The following ADGRV1 variants were observed in gnomAD, a reference collection of about 807,000 sequenced individuals.
ADGRV1 encodes the protein G-protein coupled receptor 98.
ADGRV1 carries 359 observed loss-of-function variants against 596.2 expected under a neutral mutation model. The observed-to-expected ratio is 0.60, with a 90% confidence interval of 0.55 to 0.66. ADGRV1 has a LOEUF of 0.66. Among genes scored for constraint, ADGRV1 ranks in the 30% least tolerant of loss-of-function variants. ADGRV1 has a pLI of 0.00. For missense variants in ADGRV1, 7,274 were observed against 7,575.6 expected (o/e 0.96, Z 1.48); for synonymous variants, 2,681 against 2,679.2 (o/e 1.00, Z -0.02).
chr5:90,877,601 T>C (rs1769337969), intron 83 of ADGRV1, among the ~76,000 whole-genome samples: 1 of 151,434 alleles, frequency 6.6e-6, no homozygotes, highest in Admixed American at 6.6e-5. Flanking sequence ...TTTTTTTTCA[T>C]TTAATGTCTC....
At chr5:90,794,332 C>T (rs1001868823) in intron 70 of ADGRV1, among the ~76,000 whole-genome samples, 1 of 152,126 alleles carries the variant, frequency 6.6e-6, no homozygotes, top group African/African-American at 2.4e-5. Flanking sequence ...TTGTTAACAC[C>T]TGGTTAACAG....
rs749364292 is a variant in ADGRV1, at chr5:90,647,718, C to T, written c.3243C>T (p.Ile1081=). 3.1e-6 allele frequency: 5 copies of T among 1,613,640 alleles called. No individual in the cohort carries two copies. The highest frequency in any genetic ancestry group is 4.2e-6 in the Non-Finnish European group (5 of 1,179,622). The change falls in exon 17 of 90, where the codon ATC becomes ATT. Residue 1081 remains isoleucine (I), a synonymous_variant. Transcript: ENST00000405460. ...SISIFVNEDG[I]PETDEPFYII... is the part of the protein sequence containing the mutation. Reference sequence around the variant, plus strand: ...CCATATTTGTTAATGAAGATGGTATCCCGGAAACAGATGAGCCCTTTTATA... The same window carrying T: ...CCATATTTGTTAATGAAGATGGTATTCCGGAAACAGATGAGCCCTTTTATA...
intron 72 of ADGRV1, among the ~76,000 whole-genome samples, chr5:90,805,985 G>T (rs1396853146): frequency 6.6e-6 from 1 of 152,118 alleles, no homozygotes; most frequent in African/African-American, 2.4e-5. Flanking sequence ...ACCCTCCAGT[G>T]GGCTCTGAAT....
At chr5:90,833,953 T>C (rs1764737408) in intron 77 of ADGRV1, among the ~76,000 whole-genome samples, 1 of 152,200 alleles carries the variant, frequency 6.6e-6, no homozygotes, top group African/African-American at 2.4e-5. Flanking sequence ...TTTAAAATGA[T>C]GTCATCTTAT....
intron 17 of ADGRV1, among the ~76,000 whole-genome samples, chr5:90,648,519 G>A (rs909121816): frequency 6.6e-5 from 10 of 151,910 alleles, no homozygotes; most frequent in African/African-American, 2.2e-4. Context: ...CGTTTGCATC[G>A]GGTCACCATG....
At chr5:91,004,905 G>A (rs1782149424) in intron 85 of ADGRV1, among the ~76,000 whole-genome samples, 1 of 152,064 alleles carries the variant, frequency 6.6e-6, no homozygotes, top group African/African-American at 2.4e-5. Flanking sequence ...TAGCCAAAAA[G>A]GAGGCCTGGA....
intron 85 of ADGRV1, among the ~76,000 whole-genome samples, chr5:91,060,794 A>G (rs1787359470): frequency 6.7e-6 from 1 of 149,938 alleles, no homozygotes; most frequent in Non-Finnish European, 1.5e-5. Context: ...TTCTTGGAGC[A>G]TTTGTAACTA....
At position 90,807,665 on chromosome 5, in the gene ADGRV1, C is replaced by T; in HGVS notation, c.14900C>T (p.Pro4967Leu). Reference protein sequence around the residue: ...KGVFLWTFPSPGWPEAFVLHL... With the variant: ...KGVFLWTFPSLGWPEAFVLHL... ...GTTTTCCTGTGGACGTTTCCTAGCC[C>T]TGGTTGGCCAGAGGCCTTTGTTCTT... The change falls in exon 73 of 90, where the codon CCT becomes CTT. Residue 4967 changes from proline (P) to leucine (L), a missense_variant. Coordinates refer to ENST00000405460, the MANE Select transcript of ADGRV1 (RefSeq NM_032119.4). 1 of 1,612,706 alleles carries T rather than the reference C, an allele frequency of 6.2e-7. No individual in the cohort carries two copies.
At chr5:90,935,726 G>A (rs1459930922) in intron 83 of ADGRV1, among the ~76,000 whole-genome samples, 5 of 152,194 alleles carry the variant, frequency 3.3e-5, no homozygotes, top group African/African-American at 4.8e-5. Flanking sequence ...AAGGACAGAT[G>A]TGTGTCCGAA....
intron 1 of ADGRV1, among the ~76,000 whole-genome samples, chr5:90,598,866 G>T (rs770131705): frequency 2.0e-5 from 3 of 152,148 alleles, no homozygotes; most frequent in Non-Finnish European, 4.4e-5. Flanking sequence ...GGGATACCAA[G>T]GAATTAATAA....
chr5:90,908,274 G>C (rs556173828), intron 83 of ADGRV1, among the ~76,000 whole-genome samples: 2 of 151,280 alleles, frequency 1.3e-5, no homozygotes, highest in Admixed American at 1.3e-4. Flanking sequence ...TATATTTATG[G>C]GTTACATGAA....
chr5:90,648,716 T>G (rs1768161717), intron 17 of ADGRV1, among the ~76,000 whole-genome samples: 1 of 152,196 alleles, frequency 6.6e-6, no homozygotes, highest in Non-Finnish European at 1.5e-5. Context: ...TTTTTCTCCT[T>G]TTGTCTTTCT....
At chr5:90,919,313 A>C (rs1229376273) in intron 83 of ADGRV1, among the ~76,000 whole-genome samples, 1 of 152,206 alleles carries the variant, frequency 6.6e-6, no homozygotes, top group Non-Finnish European at 1.5e-5. Flanking sequence ...TTGCCCGATC[A>C]TAAAAGCAAT....
rs191174267 is a variant in ADGRV1, at chr5:91,108,208, G to A, written c.18432+5868G>A. On this transcript the variant is annotated intron_variant, in intron 87 of 89. Transcript: ENST00000405460. ...TTTTGGTTCATTTAACTTAAAAATC[G>A]CTTGAGGTATTCAGTTTAGGCATTT... Among the ~76,000 whole-genome samples, 463 of 152,188 alleles carry A rather than the reference G, an allele frequency of 3.0e-3. 3 individuals carry two copies. The highest frequency in any genetic ancestry group is 0.011 in the African/African-American group (440 of 41,528).
intron 6 of ADGRV1, among the ~76,000 whole-genome samples, chr5:90,626,748 A>C (rs1468787123): frequency 6.6e-6 from 1 of 152,248 alleles, no homozygotes; most frequent in Non-Finnish European, 1.5e-5. Flanking sequence ...TTAACTCCTG[A>C]ATTAACAACC....
chr5:90,759,583 A>G lies in ADGRV1; in HGVS notation c.12115A>G (p.Lys4039Glu), dbSNP rs1300723772. 6.2e-7 allele frequency: 1 copy of G among 1,612,314 alleles called. No homozygotes were observed. The highest frequency in any genetic ancestry group is 8.5e-7 in the Non-Finnish European group (1 of 1,178,588). ...SPFGVFGFEE[K>E]TVMIDESLSS... ...ATTTGGAGTATTTGGATTTGAAGAAAAGACTGTAAGTTAAACATATCAGGG... is the reference window on the plus strand; with the variant it reads ...ATTTGGAGTATTTGGATTTGAAGAAGAGACTGTAAGTTAAACATATCAGGG... Residue 4039 changes from lysine to glutamate, a missense_variant, in exon 58 of 90, where the codon AAG becomes GAG. Lys to Glu is a moderately conservative substitution (Grantham distance 56, BLOSUM62 1). Around this residue, in one of 5 missense-constraint regions of ADGRV1, gnomAD observed 3,643 missense variants for 3,809.2 expected, o/e 0.96. Coordinates refer to ENST00000405460, the MANE Select transcript of ADGRV1 (RefSeq NM_032119.4).
chr5:91,119,156 A>T (rs537334258), intron 87 of ADGRV1, among the ~76,000 whole-genome samples: 1 of 149,944 alleles, frequency 6.7e-6, no homozygotes, highest in African/African-American at 2.5e-5. Flanking sequence ...TCATCAGGGA[A>T]TTTTTTTTAT....
At chr5:91,069,323 CT>C (rs1445764448) in intron 85 of ADGRV1, among the ~76,000 whole-genome samples, 2 of 152,060 alleles carry the variant, frequency 1.3e-5, no homozygotes, top group Non-Finnish European at 2.9e-5. Context: ...AAACAGACAA[CT>C]TTCAAAATGG....
chr5:90,715,736 T>A (rs543936446), intron 42 of ADGRV1, among the ~76,000 whole-genome samples: 2 of 152,256 alleles, frequency 1.3e-5, no homozygotes, highest in Admixed American at 1.3e-4. Flanking sequence ...ACTTTCTGAC[T>A]TTGTGCACCA....
Sources: allele counts gnomAD v4.1 joint callset (sites outside exome capture counted in the v4.1 genomes callset), GRCh38; gene constraint gnomAD v4.1.1; regional missense constraint gnomAD v4.1.1; transcripts MANE v1.5; gene names NCBI Gene and HGNC (gene_info 2026-07-23, HGNC 2026-07-21).